Variants in FNDC3A observed in about 807,000 individuals in gnomAD.
FNDC3A encodes fibronectin type-III domain-containing protein 3A.
FNDC3A carries 32 observed loss-of-function variants against 148.9 expected under a neutral mutation model. The ratio of observed to expected loss-of-function variants is 0.21; its 90% CI spans 0.16 to 0.29. The LOEUF (loss-of-function observed/expected upper bound fraction) is 0.29. Ranked by LOEUF, FNDC3A falls within the 10% of genes least tolerant of loss-of-function variation. The pLI is 1.00. For synonymous variants in FNDC3A, 472 were observed against 473.6 expected, an observed-to-expected ratio of 1.00 and a Z score of 0.04; for missense variants, 1,191 against 1,452.8, an observed-to-expected ratio of 0.82 and a Z score of 2.93.
intron 8 of FNDC3A, among the ~76,000 whole-genome samples, chr13:49,151,185 G>C (rs1006967424): frequency 3.9e-5 from 6 of 152,120 alleles, no homozygotes; most frequent in Non-Finnish European, 7.4e-5. Context: ...GTGGGGGGTT[G>C]AAGTCCCCAA....
chr13:49,031,176 C>G (rs1249199594), intron 2 of FNDC3A, among the ~76,000 whole-genome samples: 1 of 152,092 alleles, frequency 6.6e-6, no homozygotes, highest in Non-Finnish European at 1.5e-5. Flanking sequence ...CACTTGAGGT[C>G]AGAAGTTTGA....
chr13:49,028,336 G>A (rs1873871655), intron 2 of FNDC3A, among the ~76,000 whole-genome samples: 6 of 152,160 alleles, frequency 3.9e-5, no homozygotes, highest in Admixed American at 3.9e-4. Flanking sequence ...GTAGCCCTGA[G>A]CTCAAGTGAT....
chr13:48,982,768 A>G (rs926069664), intron 1 of FNDC3A, among the ~76,000 whole-genome samples: 2 of 152,168 alleles, frequency 1.3e-5, no homozygotes, highest in Non-Finnish European at 2.9e-5. Context: ...TGTAGAGAAC[A>G]TATTTCTCAT....
intron 5 of FNDC3A, among the ~76,000 whole-genome samples, chr13:49,135,572 A>G (rs1882308049): frequency 6.6e-6 from 1 of 152,168 alleles, no homozygotes; most frequent in Non-Finnish European, 1.5e-5. Flanking sequence ...ATATCCTTAT[A>G]ATACTCATTT....
chr13:49,169,623 C>G (rs1884654522), intron 10 of FNDC3A, among the ~76,000 whole-genome samples: 1 of 152,182 alleles, frequency 6.6e-6, no homozygotes. Flanking sequence ...TGGGGTACCA[C>G]TCCTGTTAGC....
At chr13:49,012,134 G>C (rs1447631728) in intron 2 of FNDC3A, among the ~76,000 whole-genome samples, 2 of 146,998 alleles carry the variant, frequency 1.4e-5, no homozygotes, top group Non-Finnish European at 3.0e-5. Flanking sequence ...TTTTTTTTTT[G>C]AGACGGAGTC....
intron 2 of FNDC3A, chr13:49,045,032 TTTC>T: frequency 3.6e-6 from 1 of 278,196 alleles, no homozygotes; most frequent in Non-Finnish European, 6.9e-6. Flanking sequence ...CTCCTTTCCC[TTTC>T]CTTTCCCTTT....
intron 25 of FNDC3A, among the ~76,000 whole-genome samples, chr13:49,203,691 A>G (rs1886519773): frequency 6.6e-6 from 1 of 152,190 alleles, no homozygotes; most frequent in African/African-American, 2.4e-5. Context: ...ACTGAGTGTT[A>G]TTTCATTTGG....
intron 3 of FNDC3A, among the ~76,000 whole-genome samples, chr13:49,109,514 T>C (rs1205910976): frequency 6.6e-6 from 1 of 152,198 alleles, no homozygotes; most frequent in Non-Finnish European, 1.5e-5. Context: ...AAATTTCCTC[T>C]GAAGTTACAT....
chr13:49,068,790 A>G (rs980501200), intron 2 of FNDC3A, among the ~76,000 whole-genome samples: 2 of 152,174 alleles, frequency 1.3e-5, no homozygotes, highest in African/African-American at 4.8e-5. Flanking sequence ...ATCCTTAGCA[A>G]ACTAACGCAG....
chr13:48,987,022 T>G (rs1178702429), intron 1 of FNDC3A, among the ~76,000 whole-genome samples: 1 of 152,236 alleles, frequency 6.6e-6, no homozygotes, highest in Non-Finnish European at 1.5e-5. Flanking sequence ...CCAGAAAATA[T>G]TCAGAAACTA....
intron 2 of FNDC3A, among the ~76,000 whole-genome samples, chr13:49,073,730 A>G (rs185567918): frequency 1.7e-4 from 24 of 144,978 alleles, no homozygotes; most frequent in East Asian, 3.9e-4. Context: ...TATAATATAT[A>G]TGTATATATA....
chr13:49,147,534 A>T (rs1883060704), intron 8 of FNDC3A, among the ~76,000 whole-genome samples: 1 of 142,764 alleles, frequency 7.0e-6, no homozygotes, highest in Admixed American at 7.0e-5. Context: ...TTTTAAGTTT[A>T]AAAAAAAAAA....
chr13:48,992,254 G>A (rs1297113843), intron 1 of FNDC3A, among the ~76,000 whole-genome samples: 1 of 152,138 alleles, frequency 6.6e-6, no homozygotes, highest in Non-Finnish European at 1.5e-5. Context: ...GATTTCTTAA[G>A]TATAGCATTG....
chr13:48,978,923 T>C (rs1951650518), intron 1 of FNDC3A, among the ~76,000 whole-genome samples: 1 of 152,190 alleles, frequency 6.6e-6, no homozygotes, highest in African/African-American at 2.4e-5. Flanking sequence ...TTTATAATTT[T>C]CTTAATATTT....
Position 49,186,006 on chromosome 13 carries a change from G to A in FNDC3A, c.1660G>A (p.Val554Ile). The A allele has an allele frequency of 1.2e-6, 2 of 1,612,064 alleles. No individual in the cohort carries two copies. The highest frequency in any genetic ancestry group is 1.7e-6 in the Non-Finnish European group (2 of 1,178,402). Reference protein sequence around the residue: ...NSEGKSNPSEVVEFTTCPDKP... With the variant: ...NSEGKSNPSEIVEFTTCPDKP... Reference sequence around the variant, plus strand: ...AGAAGGTAAAAGTAATCCAAGTGAAGTAGTAGAATTTACTACTTGCCCTGA... The same window carrying A: ...AGAAGGTAAAAGTAATCCAAGTGAAATAGTAGAATTTACTACTTGCCCTGA... Residue 554 changes from valine to isoleucine, a missense_variant, in exon 15 of 26, where the codon GTA (valine) becomes ATA (isoleucine). Physicochemically the swap from Val to Ile is conservative, Grantham distance 29. Around this residue, in one of 3 missense-constraint regions of FNDC3A, gnomAD observed 751 missense variants for 944.0 expected, o/e 0.80. Transcript: ENST00000492622.
At chr13:49,094,030 A>T (rs1374077188) in intron 3 of FNDC3A, among the ~76,000 whole-genome samples, 1 of 152,150 alleles carries the variant, frequency 6.6e-6, no homozygotes. Flanking sequence ...TACAGATTTT[A>T]TATTAAACAA....
chr13:49,164,034 A>G lies in FNDC3A; in HGVS notation c.978-3210A>G, dbSNP rs566353639. ...GATATTGTCCCTTTGTTCCAGGTGT[A>G]AGACTCCCTCAAGCATTTCTTATAG... On this transcript the variant is annotated intron_variant, in intron 8 of 25. Coordinates refer to ENST00000492622, the MANE Select transcript of FNDC3A (RefSeq NM_001079673.2). 5.3e-5 allele frequency among the ~76,000 whole-genome samples: 8 copies of G among 152,280 alleles called. No individual in the cohort carries two copies. In the South Asian group the frequency reaches 1.7e-3, roughly 32 times the overall value.
At chr13:49,083,842 G>C (rs1878637627) in intron 3 of FNDC3A, among the ~76,000 whole-genome samples, 1 of 152,190 alleles carries the variant, frequency 6.6e-6, no homozygotes, top group Admixed American at 6.5e-5. Flanking sequence ...TATTATAAAA[G>C]TAATTCCAGC....
Sources: allele counts gnomAD v4.1 joint callset (sites outside exome capture counted in the v4.1 genomes callset), GRCh38; gene constraint gnomAD v4.1.1; regional missense constraint gnomAD v4.1.1; transcripts MANE v1.5; gene names NCBI Gene and HGNC (gene_info 2026-07-23, HGNC 2026-07-21).